The following CSF3 variants were observed in gnomAD, a reference collection of about 807,000 sequenced individuals.
CSF3 encodes colony stimulating factor 3, also known as granulocyte colony-stimulating factor.
CSF3 carries 17 observed loss-of-function variants against 20.2 expected under a neutral mutation model. The observed-to-expected ratio is 0.84, with a 90% CI of 0.58 to 1.26. The LOEUF (loss-of-function observed/expected upper bound fraction) is 1.26. CSF3 is among the 50% of genes most tolerant of loss of function. CSF3 has a pLI of 0.00. For synonymous variants in CSF3, 125 were observed against 115.3 expected (o/e 1.08, Z -0.54); for missense variants, 210 against 256.0 (o/e 0.82, Z 1.23).
Position 40,016,598 on chromosome 17 carries a change from C to T in CSF3, c.417C>T (p.Asp139=), listed in dbSNP as rs375245553. 4.3e-6 allele frequency: 7 copies of T among 1,614,070 alleles called. No individual in the cohort carries two copies. Among genetic ancestry groups the T allele is most frequent in the South Asian group, 3.3e-5 (3 of 91,092 alleles). The change falls in exon 4 of 5, where the codon GAC becomes GAT. Residue 139 remains aspartate (D), a synonymous_variant. Transcript: ENST00000394149. Reference sequence around the variant, plus strand: ...CCACCTTGGACACACTGCAGCTGGACGTCGCCGACTTTGCCACCACCATCT... The same window carrying T: ...CCACCTTGGACACACTGCAGCTGGATGTCGCCGACTTTGCCACCACCATCT... The part of the protein sequence containing the change: ...LGPTLDTLQL[D]VADFATTIWQ...
chr17:40,016,158 G>A, intron 2 of CSF3, 75 bp from the exon 3 acceptor site: 1 of 1,170,848 alleles, frequency 8.5e-7, no homozygotes, highest in East Asian at 2.6e-5. Flanking sequence ...GGAAAGACCA[G>A]AGAGTCGGGG....
rs773611963 is a variant in CSF3, at chr17:40,016,619, C to A, written c.438C>A (p.Thr146=). 3 of 1,614,148 alleles carry A rather than the reference C, an allele frequency of 1.9e-6. No individual in the cohort carries two copies. Among genetic ancestry groups the A allele is most frequent in the Non-Finnish European group, 2.5e-6 (3 of 1,180,030 alleles). Residue 146 remains threonine (T), a synonymous_variant, in exon 4 of 5, where the codon ACC becomes ACA. Coordinates refer to ENST00000394149, the MANE Select transcript of CSF3 (RefSeq NM_172219.3). The part of the protein sequence containing the change: ...LQLDVADFAT[T]IWQQMEELGM... Reference sequence around the variant, plus strand: ...TGGACGTCGCCGACTTTGCCACCACCATCTGGCAGCAGGTGAGCCTTGTTG... The same window carrying A: ...TGGACGTCGCCGACTTTGCCACCACAATCTGGCAGCAGGTGAGCCTTGTTG...
chr17:40,017,043 A>AG lies in CSF3; in HGVS notation c.*85dup, dbSNP rs1981444721. 7.6e-7 allele frequency: 1 copy of AG among 1,322,180 alleles called. No homozygotes were observed. Among genetic ancestry groups the AG allele is most frequent in the South Asian group, 1.6e-5 (1 of 64,060 alleles). The allele number at this position is 1,322,180 out of a possible 1,614,324, so 81.9% of individuals were successfully genotyped here. On this transcript the variant is annotated 3_prime_UTR_variant, in exon 5 of 5. Transcript: ENST00000394149. ...CTCATATTTAAAGACAGGGAAGAGC[A>AG]GAACGGAGCCCCAGGCCTCTGTGTC...
chr17:40,015,934 G>A, intron 2 of CSF3, 89 bp downstream of exon 2: 2 of 1,478,216 alleles, frequency 1.4e-6, no homozygotes, highest in Non-Finnish European at 1.8e-6. Flanking sequence ...TCCTCTGGAA[G>A]GGACGTGGGA....
chr17:40,015,635 G>C (rs766179298), intron 1 of CSF3, 56 bp from the exon 2 acceptor site: 1 of 1,548,410 alleles, frequency 6.5e-7, no homozygotes. Flanking sequence ...CAGTGTCCCC[G>C]AGAGGGCCTC....
Position 40,016,932 on chromosome 17 carries a change from C to T in CSF3, c.588C>T (p.Arg196=), listed in dbSNP as rs200920957. ...HLQSFLEVSY[R]VLRHLAQP ...AGAGCTTCCTGGAGGTGTCGTACCG[C>T]GTTCTACGCCACCTTGCCCAGCCCT... The change falls in exon 5 of 5, where the codon CGC becomes CGT. Residue 196 remains arginine (R), a synonymous_variant. Transcript: ENST00000394149. The T allele has an allele frequency of 1.2e-5, 19 of 1,605,016 alleles. No homozygotes were observed. The highest frequency in any genetic ancestry group is 2.2e-5 in the East Asian group (1 of 44,724).
chr17:40,015,537 GGA>G, intron 1 of CSF3, 23 bp downstream of exon 1: 3 of 1,550,974 alleles, frequency 1.9e-6, no homozygotes. Flanking sequence ...GCCCAGGATG[GGA>G]GAGCCGCCTG....
chr17:40,015,751 G>C lies in CSF3; in HGVS notation c.101G>C (p.Gly34Ala), dbSNP rs1270541943. ...LWTVQEATPL[G>A]PASSLPQSFL... is the part of the protein sequence containing the mutation. ...ACAGTGCAGGAAGCCACCCCCCTGG[G>C]CCCTGCCAGCTCCCTGCCCCAGAGC... Residue 34 changes from glycine to alanine, a missense_variant, in exon 2 of 5, where the codon GGC becomes GCC. By Grantham distance (60) the Gly-to-Ala change is moderately conservative (BLOSUM62 0). Transcript: ENST00000394149. 2 of 1,601,288 alleles carry C rather than the reference G, an allele frequency of 1.2e-6. No individual in the cohort carries two copies. The highest frequency in any genetic ancestry group is 2.2e-5 in the South Asian group (2 of 89,084).
In CSF3 at chr17:40,016,942, C is replaced by A. The variant is rs1459481080; in HGVS notation, c.598C>A (p.His200Asn). The A allele has an allele frequency of 6.3e-7, 1 of 1,597,554 alleles. No homozygotes were observed. Among genetic ancestry groups the A allele is most frequent in the Admixed American group, 1.7e-5 (1 of 57,998 alleles). The change falls in exon 5 of 5, where the codon CAC (histidine) becomes AAC (asparagine). Residue 200 changes from histidine to asparagine, a missense_variant. Physicochemically the swap from His to Asn is moderately conservative, Grantham distance 68. Transcript: ENST00000394149. Reference sequence around the variant, plus strand: ...GGAGGTGTCGTACCGCGTTCTACGCCACCTTGCCCAGCCCTGAGCCAAGCC... The same window carrying A: ...GGAGGTGTCGTACCGCGTTCTACGCAACCTTGCCCAGCCCTGAGCCAAGCC... ...FLEVSYRVLR[H>N]LAQP is the part of the protein sequence containing the mutation.
At position 40,015,739 on chromosome 17, in the gene CSF3, C is replaced by T. The variant is rs1310346527; in HGVS notation, c.89C>T (p.Ala30Val). Reference sequence around the variant, plus strand: ...AGTGCACTCTGGACAGTGCAGGAAGCCACCCCCCTGGGCCCTGCCAGCTCC... The same window carrying T: ...AGTGCACTCTGGACAGTGCAGGAAGTCACCCCCCTGGGCCCTGCCAGCTCC... The part of the protein sequence containing the change: ...WHSALWTVQE[A>V]TPLGPASSLP... The change falls in exon 2 of 5, where the codon GCC (alanine) becomes GTC (valine). Residue 30 changes from alanine (A) to valine (V), a missense_variant. Coordinates refer to ENST00000394149, the MANE Select transcript of CSF3 (RefSeq NM_172219.3). The T allele has an allele frequency of 1.3e-6, 2 of 1,598,150 alleles. No individual in the cohort carries two copies. Among genetic ancestry groups the T allele is most frequent in the South Asian group, 1.1e-5 (1 of 88,698 alleles).
intron 2 of CSF3, 36 bp downstream of exon 2, chr17:40,015,881 C>T (rs759860922): frequency 1.3e-6 from 2 of 1,580,720 alleles, no homozygotes; most frequent in East Asian, 4.5e-5. Context: ...TGGAGGGAAG[C>T]CCGGTGGGGA....
chr17:40,016,035 G>T, intron 2 of CSF3, 190 bp downstream of exon 2: 1 of 947,642 alleles, frequency 1.1e-6, no homozygotes, highest in Non-Finnish European at 1.5e-6. Context: ...GGCTGGCTGG[G>T]ATGGGAGTGG....
Position 40,016,309 on chromosome 17 carries a change from T to G in CSF3, c.272T>G (p.Leu91Arg). The change falls in exon 3 of 5, where the codon CTG becomes CGG. Residue 91 changes from leucine (L) to arginine (R), a missense_variant. Physicochemically the swap from Leu to Arg is moderately radical, Grantham distance 102. Coordinates refer to ENST00000394149, the MANE Select transcript of CSF3 (RefSeq NM_172219.3). The part of the protein sequence containing the change: ...GHSLGIPWAP[L>R]SSCPSQALQL... ...TCTCTGGGCATCCCCTGGGCTCCCCTGAGCAGCTGCCCCAGCCAGGCCCTG... is the reference window on the plus strand; with the variant it reads ...TCTCTGGGCATCCCCTGGGCTCCCCGGAGCAGCTGCCCCAGCCAGGCCCTG... 1 of 1,609,834 alleles carries G rather than the reference T, an allele frequency of 6.2e-7. No individual in the cohort carries two copies. The highest frequency in any genetic ancestry group is 2.2e-5 in the East Asian group (1 of 44,698).
chr17:40,016,641 G>C lies in CSF3; in HGVS notation c.450+10G>C, dbSNP rs1302328800. The C allele has an allele frequency of 1.2e-6, 2 of 1,613,940 alleles. No individual in the cohort carries two copies. Among genetic ancestry groups the C allele is most frequent in the East Asian group, 4.5e-5 (2 of 44,888 alleles). On this transcript the variant is annotated intron_variant, in intron 4 of 4. Transcript: ENST00000394149. ...CACCATCTGGCAGCAGGTGAGCCTTGTTGGGCAGGGTGGCCAAGGTCGTGC... is the reference window on the plus strand; with the variant it reads ...CACCATCTGGCAGCAGGTGAGCCTTCTTGGGCAGGGTGGCCAAGGTCGTGC...
chr17:40,016,503 C>A lies in CSF3; in HGVS notation c.322C>A (p.Leu108Ile). 1.2e-6 allele frequency: 2 copies of A among 1,614,188 alleles called. No homozygotes were observed. Among genetic ancestry groups the A allele is most frequent in the Non-Finnish European group, 1.7e-6 (2 of 1,180,018 alleles). Residue 108 changes from leucine (L) to isoleucine (I), a missense_variant, in exon 4 of 5, where the codon CTC becomes ATC. Coordinates refer to ENST00000394149, the MANE Select transcript of CSF3 (RefSeq NM_172219.3). ...ALQLAGCLSQ[L>I]HSGLFLYQGL... ...CTCACAGGCAGGCTGCTTGAGCCAA[C>A]TCCATAGCGGCCTTTTCCTCTACCA...
At position 40,016,716 on chromosome 17, in the gene CSF3, T is replaced by C. The variant is rs558514549; in HGVS notation, c.451-79T>C. 7.4e-6 allele frequency: 11 copies of C among 1,488,252 alleles called. No individual in the cohort carries two copies. The East Asian group carries it at 2.2e-4, about 30-fold the overall frequency. 92.2% of individuals were successfully genotyped at this position (1,488,252 alleles called of 1,614,324 possible). On this transcript the variant is annotated intron_variant, in intron 4 of 4. Transcript: ENST00000394149. ...GCCTGTGTATGGGCCCTGTCCATGC[T>C]GTCACCCCCAGCATTTCCTCATTTG...
Position 40,015,767 on chromosome 17 carries a change from G to A in CSF3, c.117G>A (p.Leu39=), listed in dbSNP as rs1160389516. 1.2e-6 allele frequency: 2 copies of A among 1,606,782 alleles called. No homozygotes were observed. The highest frequency in any genetic ancestry group is 1.1e-5 in the South Asian group (1 of 89,728). ...EATPLGPASS[L]PQSFLLKCLE... The stretch of plus-strand genomic sequence containing the variant: ...CCCCCCTGGGCCCTGCCAGCTCCCT[G>A]CCCCAGAGCTTCCTGCTCAAGTGCT... Residue 39 remains leucine (L), a synonymous_variant, in exon 2 of 5, where the codon CTG becomes CTA. Coordinates refer to ENST00000394149, the MANE Select transcript of CSF3 (RefSeq NM_172219.3).
chr17:40,016,482 C>T lies in CSF3; in HGVS notation c.304-3C>T. ...CCCCTAACTCTTCCGCTCTGTCTCA[C>T]AGGCAGGCTGCTTGAGCCAACTCCA... On this transcript the variant is annotated splice_polypyrimidine_tract_variant and splice_region_variant and intron_variant, in intron 3 of 4. Coordinates refer to ENST00000394149, the MANE Select transcript of CSF3 (RefSeq NM_172219.3). 1 of 1,614,134 alleles carries T rather than the reference C, an allele frequency of 6.2e-7. No individual in the cohort carries two copies. The highest frequency in any genetic ancestry group is 1.3e-5 in the African/African-American group (1 of 75,060).
At chr17:40,015,881 C>G (rs759860922) in intron 2 of CSF3, 36 bp downstream of exon 2, 6 of 1,580,720 alleles carry the variant, frequency 3.8e-6, no homozygotes, top group Non-Finnish European at 5.2e-6. Flanking sequence ...TGGAGGGAAG[C>G]CCGGTGGGGA....
Sources: allele counts gnomAD v4.1 joint callset, GRCh38; gene constraint gnomAD v4.1.1; transcripts MANE v1.5; gene names NCBI Gene and HGNC (gene_info 2026-07-23, HGNC 2026-07-21).